The following PATL1 variants were observed in gnomAD, a reference collection of about 807,000 sequenced individuals.
PATL1 encodes protein PAT1 homolog 1.
In PATL1, 32 loss-of-function variants were observed where a neutral mutation model predicts 100.6. The observed-to-expected ratio is 0.32, with a 90% CI of 0.24 to 0.43. The LOEUF (loss-of-function observed/expected upper bound fraction) is 0.43. Ranked by LOEUF, PATL1 falls within the 20% of genes least tolerant of loss-of-function variation. The pLI is 1.00. For synonymous variants in PATL1, 332 were observed against 330.0 expected (o/e 1.01, Z -0.07); for missense variants, 747 against 949.9 (o/e 0.79, Z 2.81).
rs1228173413 is a variant in PATL1 at position 59,637,494 on chromosome 11, A to C, written c.*896T>G. Reference sequence around the variant, plus strand: ...TCTCAGGAAGACAGGGCAAGTGTGCAAAAAGCCACACTGCCAAAGCAGGCT... The same window carrying C: ...TCTCAGGAAGACAGGGCAAGTGTGCCAAAAGCCACACTGCCAAAGCAGGCT... On this transcript the variant is annotated 3_prime_UTR_variant, in exon 19 of 19. Coordinates refer to ENST00000300146, the MANE Select transcript of PATL1 (RefSeq NM_152716.3). 1 of 152,698 alleles carries C rather than the reference A, an allele frequency of 6.5e-6. No individual in the cohort carries two copies. Among genetic ancestry groups the C allele is most frequent in the Non-Finnish European group, 1.5e-5 (1 of 68,056 alleles). 9.5% of individuals were successfully genotyped at this position (152,698 alleles called of 1,614,324 possible).
chr11:59,668,730 G>A (rs1861730433), intron 1 of PATL1, 151 bp downstream of exon 1: 3 of 389,722 alleles, frequency 7.7e-6, no homozygotes, highest in Non-Finnish European at 1.5e-5. Context: ...GATTAGACCC[G>A]CGACCCCAGA....
intron 15 of PATL1, among the ~76,000 whole-genome samples, chr11:59,646,303 G>C (rs954084581): frequency 7.2e-6 from 1 of 138,116 alleles, no homozygotes; most frequent in Non-Finnish European, 1.5e-5. Flanking sequence ...TTTTTGAGTA[G>C]CTGGGACCAC....
chr11:59,657,336 C>T (rs1861550716), intron 5 of PATL1, among the ~76,000 whole-genome samples, 194 bp downstream of exon 5: 1 of 152,180 alleles, frequency 6.6e-6, no homozygotes, highest in African/African-American at 2.4e-5. Context: ...TAAAAGGCAG[C>T]AGCAATAGCA....
chr11:59,639,226 G>C, intron 17 of PATL1, 29 bp from the exon 18 acceptor site: 1 of 1,606,398 alleles, frequency 6.2e-7, no homozygotes, highest in Non-Finnish European at 8.5e-7. Context: ...AATAATATCA[G>C]GAGAAAAAAA....
chr11:59,663,710 C>T (rs1037579663), intron 2 of PATL1, among the ~76,000 whole-genome samples: 23 of 152,086 alleles, frequency 1.5e-4, no homozygotes, highest in Admixed American at 4.6e-4. Flanking sequence ...ATGATGCAAA[C>T]ATTTTTTCAT....
chr11:59,640,831 A>G (rs1861267676), intron 16 of PATL1, among the ~76,000 whole-genome samples: 1 of 151,978 alleles, frequency 6.6e-6, no homozygotes, highest in South Asian at 2.1e-4. Context: ...GGAGTTCGAG[A>G]CCAGCCAGAG....
chr11:59,650,265 C>A (rs1861422953), intron 13 of PATL1, among the ~76,000 whole-genome samples: 1 of 151,834 alleles, frequency 6.6e-6, no homozygotes, highest in African/African-American at 2.4e-5. Context: ...TGGAAAAAGA[C>A]ATGATTTGCA....
intron 1 of PATL1, among the ~76,000 whole-genome samples, chr11:59,668,348 T>TC (rs1009522276): frequency 1.3e-5 from 2 of 151,996 alleles, no homozygotes; most frequent in Admixed American, 6.5e-5. Flanking sequence ...CACGCCCCCC[T>TC]CCCAACTCGG....
chr11:59,668,909 GGC>G lies in PATL1; in HGVS notation c.-16_-15del. ...GTAGCGGAACATTCTTGGGGAGGGGGGCAGGGAGCGGGGAGGGGAGAGGGGGA... is the reference window on the plus strand; with the variant it reads ...GTAGCGGAACATTCTTGGGGAGGGGGAGGGAGCGGGGAGGGGAGAGGGGGA... On this transcript the variant is annotated 5_prime_UTR_variant, in exon 1 of 19. Coordinates refer to ENST00000300146, the MANE Select transcript of PATL1 (RefSeq NM_152716.3). 2.7e-6 allele frequency: 2 copies of G among 747,026 alleles called. No homozygotes were observed. Among genetic ancestry groups the G allele is most frequent in the Non-Finnish European group, 3.9e-6 (2 of 506,498 alleles). 46.3% of individuals were successfully genotyped at this position (747,026 alleles called of 1,614,324 possible). A position where few individuals can be genotyped will look rare whatever the true frequency, so the allele number is the denominator to read the frequency against.
intron 9 of PATL1, 57 bp from the exon 10 acceptor site, chr11:59,653,075 A>G (rs954662293): frequency 2.1e-6 from 3 of 1,462,302 alleles, no homozygotes; most frequent in Non-Finnish European, 2.8e-6. Context: ...GCTTTTTAAC[A>G]ACAGAGGAAT....
chr11:59,648,739 A>C (rs1027169209), intron 14 of PATL1, among the ~76,000 whole-genome samples: 5 of 152,214 alleles, frequency 3.3e-5, no homozygotes, highest in Non-Finnish European at 5.9e-5. Flanking sequence ...TGGCTGCATA[A>C]CATCCAATCT....
chr11:59,650,972 AG>A (rs1362397068), intron 12 of PATL1, among the ~76,000 whole-genome samples, 159 bp from the exon 13 acceptor site: 2 of 152,246 alleles, frequency 1.3e-5, no homozygotes, highest in Non-Finnish European at 2.9e-5. Context: ...CAAAGGTCAA[AG>A]TTGACTGAAT....
rs539165064 is a variant in PATL1, at chr11:59,649,655, C to A, written c.1585-45G>T. On this transcript the variant is annotated intron_variant, in intron 13 of 18. Transcript: ENST00000300146. Reference sequence around the variant, plus strand: ...CAGGCCACAGCATGCTAGGTCAGAACCACAGTATTAGTTAAACAATTTCAC... The same window carrying A: ...CAGGCCACAGCATGCTAGGTCAGAAACACAGTATTAGTTAAACAATTTCAC... 1.9e-6 allele frequency: 3 copies of A among 1,580,236 alleles called. No individual in the cohort carries two copies. In the Admixed American group the frequency reaches 5.5e-5, roughly 29 times the overall value.
At chr11:59,668,476 G>C (rs984725521) in intron 1 of PATL1, among the ~76,000 whole-genome samples, 5 of 152,104 alleles carry the variant, frequency 3.3e-5, no homozygotes, top group Non-Finnish European at 1.5e-5. Context: ...GGAGGTGGGT[G>C]GGGGGTGGTT....
intron 16 of PATL1, 118 bp from the exon 17 acceptor site, chr11:59,639,501 T>A: frequency 1.4e-6 from 1 of 717,900 alleles, no homozygotes; most frequent in Non-Finnish European, 2.3e-6. Context: ...ACCTCACTAC[T>A]GTGCTTTTCT....
chr11:59,659,473 T>C lies in PATL1; in HGVS notation c.128-4A>G. 1.9e-6 allele frequency: 3 copies of C among 1,546,728 alleles called. No individual in the cohort carries two copies. The highest frequency in any genetic ancestry group is 2.6e-6 in the Non-Finnish European group (3 of 1,145,142). On this transcript the variant is annotated splice_polypyrimidine_tract_variant and splice_region_variant and intron_variant, in intron 2 of 18. Transcript: ENST00000300146. ...TGTGCTTCCTGCCAATCATCATCTA[T>C]AAGATGACACAGTTCATGTAAGAAA...
chr11:59,662,032 G>A (rs1861632246), intron 2 of PATL1, among the ~76,000 whole-genome samples: 1 of 152,142 alleles, frequency 6.6e-6, no homozygotes, highest in South Asian at 2.1e-4. Context: ...TTTAGAATCA[G>A]ATTACATTAA....
chr11:59,642,113 C>T (rs1037992229), intron 16 of PATL1, among the ~76,000 whole-genome samples: 4 of 152,166 alleles, frequency 2.6e-5, no homozygotes, highest in African/African-American at 9.7e-5. Context: ...TCTTATAGAC[C>T]AGGAAACTGA....
intron 4 of PATL1, 65 bp downstream of exon 4, chr11:59,658,801 A>T (rs1861581157): frequency 8.0e-7 from 1 of 1,252,672 alleles, no homozygotes. Context: ...TAAGGAAAGG[A>T]TGACGACAGG....
Sources: allele counts gnomAD v4.1 joint callset (sites outside exome capture counted in the v4.1 genomes callset), GRCh38; gene constraint gnomAD v4.1.1; transcripts MANE v1.5; gene names NCBI Gene and HGNC (gene_info 2026-07-23, HGNC 2026-07-21).